GPC6: variants seen among roughly 807,000 people sequenced by gnomAD.
GPC6 encodes the protein glypican-6.
Under a neutral mutation model 55.2 loss-of-function variants are expected in GPC6, and 14 were observed. The ratio of observed to expected loss-of-function variants is 0.25; its 90% CI spans 0.17 to 0.40. GPC6 has a LOEUF of 0.40. Among genes scored for constraint, GPC6 ranks in the 10% least tolerant of loss-of-function variants. GPC6 has a pLI of 1.00. For missense variants in GPC6, 641 were observed against 708.5 expected (o/e 0.90, Z 1.08); for synonymous variants, 278 against 259.6 (o/e 1.07, Z -0.68).
intron 3 of GPC6, among the ~76,000 whole-genome samples, chr13:93,832,695 A>G (rs1887566365): frequency 6.6e-6 from 1 of 151,996 alleles, no homozygotes; most frequent in African/African-American, 2.4e-5. Flanking sequence ...CCCCTTGGTC[A>G]CTCTCTGACT....
In GPC6 at chr13:94,337,438, A is replaced by AT. The variant is rs201881758; in HGVS notation, c.1152+31323dup. On this transcript the variant is annotated intron_variant, in intron 6 of 8. Transcript: ENST00000377047. Reference sequence around the variant, plus strand: ...ATAGTACATTTAATTCATGATATACATTTTTTTTCTTTTTTTTTTCCTTTT... The same window carrying AT: ...ATAGTACATTTAATTCATGATATACATTTTTTTTTCTTTTTTTTTTCCTTTT... Among the ~76,000 whole-genome samples, 824 of 146,042 alleles carry AT rather than the reference A, an allele frequency of 5.6e-3. 8 individuals are homozygous for AT. The highest frequency in any genetic ancestry group is 0.02 in the African/African-American group (783 of 39,764).
intron 2 of GPC6, among the ~76,000 whole-genome samples, chr13:93,575,596 A>G (rs1876621339): frequency 6.6e-6 from 1 of 152,178 alleles, no homozygotes; most frequent in East Asian, 1.9e-4. Flanking sequence ...ATTTAGTAGT[A>G]TTAGGCCTCT....
At chr13:94,088,317 A>G (rs1470966354) in intron 4 of GPC6, among the ~76,000 whole-genome samples, 1 of 152,174 alleles carries the variant, frequency 6.6e-6, no homozygotes, top group African/African-American at 2.4e-5. Context: ...AAGGAATTAT[A>G]ATAATTTAAT....
intron 3 of GPC6, among the ~76,000 whole-genome samples, chr13:93,896,291 T>C (rs1876007137): frequency 6.6e-6 from 1 of 152,046 alleles, no homozygotes; most frequent in Non-Finnish European, 1.5e-5. Flanking sequence ...ATAAATATTC[T>C]ACAGTAGAAA....
At chr13:93,276,525 T>TGA (rs1877759124) in intron 1 of GPC6, among the ~76,000 whole-genome samples, 1 of 143,368 alleles carries the variant, frequency 7.0e-6, no homozygotes, top group Non-Finnish European at 1.5e-5. Flanking sequence ...TGTGTGTGTG[T>TGA]GTATGTGTGT....
intron 4 of GPC6, among the ~76,000 whole-genome samples, chr13:94,041,969 C>A (rs571501213): frequency 1.9e-4 from 29 of 151,936 alleles, no homozygotes; most frequent in African/African-American, 6.7e-4. Context: ...TTTGTGTCCC[C>A]ACCCAAATCT....
rs1890546197 is a variant in GPC6, at chr13:94,226,021, C to G, written c.878-60328C>G. 2.0e-5 allele frequency among the ~76,000 whole-genome samples: 3 copies of G among 152,062 alleles called. No homozygotes were observed. The South Asian group carries it at 6.2e-4, about 32-fold the overall frequency. On this transcript the variant is annotated intron_variant, in intron 4 of 8. Coordinates refer to ENST00000377047, the MANE Select transcript of GPC6 (RefSeq NM_005708.5). ...CAGATTTCCCATGGGTGACGGTTCC[C>G]TCTCCACAGCCCTCCTGCTAACCAT...
intron 2 of GPC6, among the ~76,000 whole-genome samples, chr13:93,800,075 C>T (rs1371655833): frequency 6.6e-6 from 1 of 152,154 alleles, no homozygotes; most frequent in Admixed American, 6.5e-5. Flanking sequence ...ATTGCTGCTA[C>T]ATCACGTAAT....
At position 94,151,536 on chromosome 13, in the gene GPC6, G is replaced by A. The variant is rs1470853921; in HGVS notation, c.877+123642G>A. Among the ~76,000 whole-genome samples, 3 of 152,092 alleles carry A rather than the reference G, an allele frequency of 2.0e-5. No individual in the cohort carries two copies. The South Asian group carries it at 6.2e-4, about 32-fold the overall frequency. On this transcript the variant is annotated intron_variant, in intron 4 of 8. Coordinates refer to ENST00000377047, the MANE Select transcript of GPC6 (RefSeq NM_005708.5). Reference sequence around the variant, plus strand: ...AATGCTTTTTCCATACAGTAAATTCGAATGGTTATTTGAGCTCAACAGTGT... The same window carrying A: ...AATGCTTTTTCCATACAGTAAATTCAAATGGTTATTTGAGCTCAACAGTGT...
intron 2 of GPC6, among the ~76,000 whole-genome samples, chr13:93,619,577 G>C (rs984508591): frequency 1.3e-5 from 2 of 152,002 alleles, no homozygotes; most frequent in Non-Finnish European, 2.9e-5. Flanking sequence ...TCAGCCACTT[G>C]AGAAGCTAAG....
At chr13:93,956,381 C>T (rs1372349566) in intron 3 of GPC6, among the ~76,000 whole-genome samples, 1 of 152,124 alleles carries the variant, frequency 6.6e-6, no homozygotes, top group East Asian at 1.9e-4. Flanking sequence ...GATTCTTTTT[C>T]TTTCCTGTTG....
At chr13:93,586,983 G>A (rs1228145272) in intron 2 of GPC6, among the ~76,000 whole-genome samples, 1 of 152,098 alleles carries the variant, frequency 6.6e-6, no homozygotes, top group African/African-American at 2.4e-5. Context: ...ATTACATGGG[G>A]CACTTGAGAC....
At chr13:93,908,138 G>A (rs1425323169) in intron 3 of GPC6, among the ~76,000 whole-genome samples, 3 of 152,166 alleles carry the variant, frequency 2.0e-5, no homozygotes, top group Non-Finnish European at 4.4e-5. Context: ...AAATTAGCCA[G>A]TTGAAAGTTT....
chr13:94,023,647 AT>A (rs903396691), intron 3 of GPC6, among the ~76,000 whole-genome samples: 83 of 152,214 alleles, frequency 5.5e-4, no homozygotes, highest in African/African-American at 1.9e-3. Context: ...AGAAATGAAA[AT>A]GTATATTTCT....
intron 4 of GPC6, among the ~76,000 whole-genome samples, chr13:94,079,336 TC>T (rs777502682): frequency 5.3e-5 from 8 of 152,102 alleles, no homozygotes; most frequent in Non-Finnish European, 8.8e-5. Flanking sequence ...TGCGATCCTT[TC>T]CATTTCAGAA....
At chr13:94,302,876 C>T (rs949985322) in intron 5 of GPC6, among the ~76,000 whole-genome samples, 4 of 152,178 alleles carry the variant, frequency 2.6e-5, no homozygotes, top group African/African-American at 7.2e-5. Flanking sequence ...TATTAGAAGC[C>T]GTGGGTCACG....
intron 1 of GPC6, among the ~76,000 whole-genome samples, chr13:93,514,563 A>T (rs1011037986): frequency 6.6e-6 from 1 of 152,218 alleles, no homozygotes; most frequent in Non-Finnish European, 1.5e-5. Flanking sequence ...CTTGGTAGGC[A>T]TATGCAATGG....
intron 6 of GPC6, among the ~76,000 whole-genome samples, chr13:94,331,067 A>C (rs921642695): frequency 1.3e-5 from 2 of 152,150 alleles, no homozygotes; most frequent in African/African-American, 4.8e-5. Flanking sequence ...ATCAACTCTA[A>C]CTGGCAGATT....
chr13:93,508,460 A>G (rs1441796631), intron 1 of GPC6, among the ~76,000 whole-genome samples: 1 of 152,216 alleles, frequency 6.6e-6, no homozygotes, highest in East Asian at 1.9e-4. Context: ...GGAAGATACT[A>G]CAAAATGAAG....
Sources: gnomAD v4.1 joint callset for allele counts (sites outside exome capture counted in the v4.1 genomes callset) on GRCh38, gnomAD v4.1.1 for gene constraint, MANE v1.5 for transcripts, NCBI Gene and HGNC (gene_info 2026-07-23, HGNC 2026-07-21) for gene names.